Variants in NBAS observed in about 807,000 individuals in gnomAD.
NBAS encodes NAG/BC035112 fusion.
In NBAS, 219 loss-of-function variants were observed where a neutral mutation model predicts 302.5. That is an observed-to-expected ratio of 0.72 (90% CI 0.65 to 0.81). The LOEUF (loss-of-function observed/expected upper bound fraction) is 0.81. Ranked by LOEUF, NBAS falls within the 30% of genes least tolerant of loss-of-function variation. The probability of loss-of-function intolerance (pLI) is 0.00; values close to 1 mark genes in which losing one functional copy is unlikely to be tolerated. For synonymous variants in NBAS, 1,118 were observed against 1,021.6 expected, an observed-to-expected ratio of 1.09 and a Z score of -1.80; for missense variants, 2,932 against 2,841.6, an observed-to-expected ratio of 1.03 and a Z score of -0.72.
chr2:14,953,921 G>A, the NBAS span, among the ~76,000 whole-genome samples: 1 of 152,148 alleles, frequency 6.6e-6, no homozygotes, highest in African/African-American at 2.4e-5. Flanking sequence ...TGCTCTGGAT[G>A]GGACAGGCAT....
chr2:15,163,717 G>A (rs1663948938), downstream of NBAS, among the ~76,000 whole-genome samples: 1 of 152,034 alleles, frequency 6.6e-6, no homozygotes, highest in South Asian at 2.1e-4. Context: ...AAAATCTGGG[G>A]TATGAGGGGA....
At chr2:15,336,687 G>A (rs144428852) in intron 35 of NBAS, among the ~76,000 whole-genome samples, 1 of 151,894 alleles carries the variant, frequency 6.6e-6, no homozygotes, top group African/African-American at 2.4e-5. Context: ...CTGAGGTCAC[G>A]CCAATGCACT....
the NBAS span, among the ~76,000 whole-genome samples, chr2:14,879,957 G>A: frequency 6.6e-6 from 1 of 152,172 alleles, no homozygotes; most frequent in Admixed American, 6.5e-5. Flanking sequence ...GAAGCTATAG[G>A]AAGCAGTTTG....
In NBAS at chr2:15,308,267, G is replaced by T. The variant is rs1671117525; in HGVS notation, c.4746C>A (p.Ile1582=). ...QLAAYYYSLQ[I]YARLAPCFRD... Reference sequence around the variant, plus strand: ...TGAAACATGGGGCCAATCGGGCATAGATCTGGAGGCTATAGTAATACGCTG... The same window carrying T: ...TGAAACATGGGGCCAATCGGGCATATATCTGGAGGCTATAGTAATACGCTG... The change falls in exon 40 of 52, where the codon ATC becomes ATA. Residue 1582 remains isoleucine, a synonymous_variant. Coordinates refer to ENST00000281513, the MANE Select transcript of NBAS (RefSeq NM_015909.4). The T allele has an allele frequency of 6.2e-7, 1 of 1,614,194 alleles. No individual in the cohort carries two copies. The highest frequency in any genetic ancestry group is 8.5e-7 in the Non-Finnish European group (1 of 1,180,028).
At chr2:15,428,653 C>T (rs1301014749) in intron 21 of NBAS, among the ~76,000 whole-genome samples, 3 of 152,016 alleles carry the variant, frequency 2.0e-5, no homozygotes, top group Non-Finnish European at 4.4e-5. Flanking sequence ...GTAGGAGGAT[C>T]GCTTGAGCCC....
the NBAS span, among the ~76,000 whole-genome samples, chr2:15,021,109 G>A: frequency 6.6e-6 from 1 of 152,080 alleles, no homozygotes; most frequent in South Asian, 2.1e-4. Context: ...GCGGGCACCT[G>A]TAATCCCATC....
chr2:15,007,599 T>A, the NBAS span, among the ~76,000 whole-genome samples: 1 of 152,216 alleles, frequency 6.6e-6, no homozygotes, highest in African/African-American at 2.4e-5. Context: ...TGTTAATAGC[T>A]TGAGCTCTAT....
chr2:14,847,516 A>G, the NBAS span, among the ~76,000 whole-genome samples: 15 of 152,074 alleles, frequency 9.9e-5, no homozygotes, highest in Non-Finnish European at 1.8e-4. Context: ...TTTCAAAAAA[A>G]AAAAAACTAC....
chr2:15,186,850 A>C lies in NBAS; in HGVS notation c.6603T>G (p.Ala2201=), dbSNP rs759018362. The C allele has an allele frequency of 6.2e-7, 1 of 1,614,016 alleles. No homozygotes were observed. Among genetic ancestry groups the C allele is most frequent in the South Asian group, 1.1e-5 (1 of 91,080 alleles). ...TCGTACATCTGGTTAGCATCACTGTAGCTAGTCTCACCCATGGATTATTGG... is the reference window on the plus strand; with the variant it reads ...TCGTACATCTGGTTAGCATCACTGTCGCTAGTCTCACCCATGGATTATTGG... The part of the protein sequence containing the change: ...VITNNPWVRL[A]TVMLTRCTME... Residue 2201 remains alanine, a synonymous_variant, in exon 50 of 52, where the codon GCT becomes GCG. Coordinates refer to ENST00000281513, the MANE Select transcript of NBAS (RefSeq NM_015909.4).
chr2:15,554,815 T>C lies in NBAS; in HGVS notation c.210-677A>G, dbSNP rs114352909. Among the ~76,000 whole-genome samples, 716 of 151,978 alleles carry C rather than the reference T, an allele frequency of 4.7e-3. 8 individuals are homozygous for C. The highest frequency in any genetic ancestry group is 0.016 in the African/African-American group (664 of 41,446). Reference sequence around the variant, plus strand: ...TGGAGGATAAGAATAAAATCTCCTATGAAAAAGTAAAAGTCCAAGTCTGTA... The same window carrying C: ...TGGAGGATAAGAATAAAATCTCCTACGAAAAAGTAAAAGTCCAAGTCTGTA... On this transcript the variant is annotated intron_variant, in intron 3 of 51. Coordinates refer to ENST00000281513, the MANE Select transcript of NBAS (RefSeq NM_015909.4).
At chr2:14,877,883 A>C in the NBAS span, among the ~76,000 whole-genome samples, 39 of 152,320 alleles carry the variant, frequency 2.6e-4, no homozygotes, top group African/African-American at 9.1e-4. Context: ...TTTAACCACC[A>C]GTCACCTTTA....
At chr2:15,069,358 C>A in the NBAS span, among the ~76,000 whole-genome samples, 22 of 152,276 alleles carry the variant, frequency 1.4e-4, no homozygotes, top group Admixed American at 1.4e-3. Context: ...GTCAGGTTGC[C>A]CAGCAAAGAG....
the NBAS span, among the ~76,000 whole-genome samples, chr2:15,136,643 A>C: frequency 3.9e-5 from 6 of 152,176 alleles, no homozygotes; most frequent in Admixed American, 6.5e-5. Flanking sequence ...TTGGCAGCTG[A>C]TCAGGTCAGG....
chr2:15,417,855 T>C (rs1677025220), intron 23 of NBAS, 143 bp from the exon 24 acceptor site: 2 of 758,896 alleles, frequency 2.6e-6, no homozygotes, highest in East Asian at 2.7e-5. Context: ...TTTTATTTAC[T>C]GCAAAAACAT....
At chr2:15,161,615 G>A in the NBAS span, among the ~76,000 whole-genome samples, 1 of 152,140 alleles carries the variant, frequency 6.6e-6, no homozygotes, top group South Asian at 2.1e-4. Context: ...CTGGCTACAC[G>A]GTGGCCTCCA....
At chr2:15,445,334 G>A (rs1227694142) in intron 21 of NBAS, among the ~76,000 whole-genome samples, 1 of 148,750 alleles carries the variant, frequency 6.7e-6, no homozygotes, top group Non-Finnish European at 1.5e-5. Flanking sequence ...CATAAAAAAT[G>A]ATGAGTTCAT....
intron 21 of NBAS, among the ~76,000 whole-genome samples, chr2:15,451,035 C>A (rs1038307078): frequency 6.6e-6 from 1 of 152,070 alleles, no homozygotes; most frequent in Non-Finnish European, 1.5e-5. Context: ...TTCATTCATT[C>A]ATTCATTCAT....
At chr2:14,875,403 T>C in the NBAS span, among the ~76,000 whole-genome samples, 1 of 152,106 alleles carries the variant, frequency 6.6e-6, no homozygotes, top group South Asian at 2.1e-4. Context: ...GAACACGAGG[T>C]CAGGAGTTCA....
chr2:15,020,254 T>C, the NBAS span, among the ~76,000 whole-genome samples: 1 of 152,222 alleles, frequency 6.6e-6, no homozygotes, highest in Non-Finnish European at 1.5e-5. Flanking sequence ...AATTATGAAA[T>C]TATTAATAAC....
Sources: gnomAD v4.1 joint callset for allele counts (sites outside exome capture counted in the v4.1 genomes callset) on GRCh38, gnomAD v4.1.1 for gene constraint, MANE v1.5 for transcripts, NCBI Gene and HGNC (gene_info 2026-07-23, HGNC 2026-07-21) for gene names.